The following PTCHD4 variants were observed in gnomAD, a reference collection of about 807,000 sequenced individuals.
PTCHD4 encodes the protein patched domain-containing protein 4.
A neutral mutation model predicts 58.1 loss-of-function variants in PTCHD4; 33 were observed. The ratio of observed to expected loss-of-function variants is 0.57; its 90% CI spans 0.43 to 0.76. PTCHD4 has a LOEUF of 0.76. Among genes scored for constraint, PTCHD4 ranks in the 30% least tolerant of loss-of-function variants. The probability of loss-of-function intolerance (pLI) is 0.00; values close to 1 mark genes in which losing one functional copy is unlikely to be tolerated. For synonymous variants in PTCHD4, 478 were observed against 409.6 expected (o/e 1.17, Z -2.02); for missense variants, 1,058 against 1,027.1 (o/e 1.03, Z -0.41).
chr6:47,930,002 A>G (rs1298828783), intron 4 of PTCHD4, among the ~76,000 whole-genome samples: 1 of 152,222 alleles, frequency 6.6e-6, no homozygotes, highest in Non-Finnish European at 1.5e-5. Flanking sequence ...AGTCTGAAGT[A>G]AGAAACTTGT....
intron 3 of PTCHD4, among the ~76,000 whole-genome samples, chr6:48,033,539 A>T (rs1763524764): frequency 6.6e-6 from 1 of 151,598 alleles, no homozygotes; most frequent in South Asian, 2.1e-4. Flanking sequence ...TGGTGCTCAC[A>T]TTGCAAAAAA....
In PTCHD4 at chr6:47,967,825, A is replaced by C. The variant is rs79808483; in HGVS notation, c.898+40809T>G. ...CCTCTCTCAGCCTTCCTAAATTGAAAAATTTAGGGTCTTGCTCTGAATTAG... is the reference window on the plus strand; with the variant it reads ...CCTCTCTCAGCCTTCCTAAATTGAACAATTTAGGGTCTTGCTCTGAATTAG... On this transcript the variant is annotated intron_variant, in intron 4 of 4. Transcript: ENST00000339488. Among the ~76,000 whole-genome samples the C allele has an allele frequency of 7.3e-3, 1,119 of 152,268 alleles. 10 individuals carry two copies. Among genetic ancestry groups the C allele is most frequent in the African/African-American group, 0.026 (1,074 of 41,548 alleles).
chr6:47,894,379 C>A (rs886991679), intron 4 of PTCHD4, among the ~76,000 whole-genome samples: 2 of 152,194 alleles, frequency 1.3e-5, no homozygotes, highest in Non-Finnish European at 2.9e-5. Flanking sequence ...AGCAACACGG[C>A]AGAGGGGTCT....
At chr6:47,932,390 A>G (rs1163128306) in intron 4 of PTCHD4, among the ~76,000 whole-genome samples, 1 of 152,196 alleles carries the variant, frequency 6.6e-6, no homozygotes, top group African/African-American at 2.4e-5. Flanking sequence ...CTAGAGGTGG[A>G]AAAAAATTAG....
intron 4 of PTCHD4, among the ~76,000 whole-genome samples, chr6:47,902,362 A>C (rs1764736992): frequency 6.6e-6 from 1 of 152,180 alleles, no homozygotes; most frequent in Admixed American, 6.5e-5. Context: ...TACTTAAATA[A>C]GAATTCAAGA....
intron 4 of PTCHD4, among the ~76,000 whole-genome samples, chr6:47,915,401 G>A (rs1043062333): frequency 2.6e-5 from 4 of 152,052 alleles, no homozygotes; most frequent in African/African-American, 4.8e-5. Context: ...TATGGAGATC[G>A]CTTCAAGATG....
At chr6:47,949,481 T>C (rs1766549941) in intron 4 of PTCHD4, among the ~76,000 whole-genome samples, 1 of 152,150 alleles carries the variant, frequency 6.6e-6, no homozygotes, top group East Asian at 1.9e-4. Context: ...GTTGCATCCA[T>C]AGGCTCCCTG....
intron 4 of PTCHD4, among the ~76,000 whole-genome samples, chr6:47,929,538 T>C (rs751321418): frequency 1.3e-5 from 2 of 152,220 alleles, no homozygotes; most frequent in African/African-American, 2.4e-5. Context: ...CATCTTGCAG[T>C]AGGTAAAAAA....
At chr6:47,944,789 T>G (rs1398063082) in intron 4 of PTCHD4, among the ~76,000 whole-genome samples, 1 of 152,138 alleles carries the variant, frequency 6.6e-6, no homozygotes, top group Non-Finnish European at 1.5e-5. Flanking sequence ...TGCCAAACAC[T>G]GAGTTAGGTG....
chr6:47,899,153 A>G (rs1313680279), intron 4 of PTCHD4, among the ~76,000 whole-genome samples: 4 of 152,230 alleles, frequency 2.6e-5, no homozygotes, highest in Non-Finnish European at 4.4e-5. Context: ...CATCCGCCAC[A>G]ACTCCTGGGA....
intron 4 of PTCHD4, among the ~76,000 whole-genome samples, chr6:47,931,551 A>T (rs1179100732): frequency 1.3e-5 from 2 of 152,196 alleles, no homozygotes; most frequent in Non-Finnish European, 2.9e-5. Context: ...GTAATTGTAA[A>T]ATCGTTGCTG....
At chr6:48,058,089 C>T (rs1764478595) in intron 3 of PTCHD4, among the ~76,000 whole-genome samples, 1 of 152,182 alleles carries the variant, frequency 6.6e-6, no homozygotes, top group African/African-American at 2.4e-5. Context: ...AGTCACAGTG[C>T]CTGGGCCATC....
chr6:47,913,816 A>G (rs1320007663), intron 4 of PTCHD4, among the ~76,000 whole-genome samples: 2 of 152,154 alleles, frequency 1.3e-5, no homozygotes, highest in Non-Finnish European at 1.5e-5. Context: ...GTTAAAATGT[A>G]GATTCTAATG....
intron 4 of PTCHD4, among the ~76,000 whole-genome samples, chr6:47,912,610 T>A (rs530830661): frequency 2.4e-4 from 37 of 152,278 alleles, no homozygotes; most frequent in African/African-American, 8.7e-4. Context: ...GAATGTTTTC[T>A]TTTTCAGACA....
At chr6:47,901,774 T>C in intron 4 of PTCHD4, 8 of 1,235,970 alleles carry the variant, frequency 6.5e-6, no homozygotes, top group South Asian at 1.4e-5. Flanking sequence ...ATGATGATGA[T>C]GATGACGATG....
In PTCHD4 at chr6:48,041,669, A is replaced by G. The variant is rs147095157; in HGVS notation, c.417+26561T>C. ...TATGTCAACTCTTCAAGATTCAGCAATAAGAAAAACTAGTAGCCCCCTTAC... is the reference window on the plus strand; with the variant it reads ...TATGTCAACTCTTCAAGATTCAGCAGTAAGAAAAACTAGTAGCCCCCTTAC... On this transcript the variant is annotated intron_variant, in intron 3 of 4. Transcript: ENST00000339488. Among the ~76,000 whole-genome samples, 606 of 152,172 alleles carry G rather than the reference A, an allele frequency of 4.0e-3. 8 individuals are homozygous for G. The highest frequency in any genetic ancestry group is 0.014 in the African/African-American group (568 of 41,554).
rs546450564 is a variant in PTCHD4, at chr6:48,070,236, T to C, written c.-969-310A>G. Among the ~76,000 whole-genome samples, 3 of 152,258 alleles carry C rather than the reference T, an allele frequency of 2.0e-5. No individual in the cohort carries two copies. The South Asian group carries it at 6.2e-4, about 32-fold the overall frequency. ...GATTTGCTTTCCAAAGTTTCTGTTCTTTTTGGAATGACTTCATAGAAAAGA... is the reference window on the plus strand; with the variant it reads ...GATTTGCTTTCCAAAGTTTCTGTTCCTTTTGGAATGACTTCATAGAAAAGA... On this transcript the variant is annotated intron_variant, in intron 1 of 4. Coordinates refer to ENST00000339488, the MANE Select transcript of PTCHD4 (RefSeq NM_001384253.1).
At chr6:48,067,461 G>C (rs2113877983) in intron 3 of PTCHD4, among the ~76,000 whole-genome samples, 1 of 152,062 alleles carries the variant, frequency 6.6e-6, no homozygotes, top group East Asian at 1.9e-4. Context: ...CATCAGTTAG[G>C]TGCACATTCC....
chr6:48,048,755 C>T (rs992322161), intron 3 of PTCHD4, among the ~76,000 whole-genome samples: 6 of 152,120 alleles, frequency 3.9e-5, no homozygotes, highest in African/African-American at 1.4e-4. Flanking sequence ...CCCAGACCAA[C>T]AGGATTTACA....
Sources: allele counts gnomAD v4.1 joint callset (sites outside exome capture counted in the v4.1 genomes callset), GRCh38; gene constraint gnomAD v4.1.1; transcripts MANE v1.5; gene names NCBI Gene and HGNC (gene_info 2026-07-23, HGNC 2026-07-21).